The following ARID5B variants were observed in gnomAD, a reference collection of about 807,000 sequenced individuals.
ARID5B encodes the protein AT-rich interactive domain-containing protein 5B.
A neutral mutation model predicts 97.2 loss-of-function variants in ARID5B; 13 were observed. The observed-to-expected ratio is 0.13, with a 90% CI of 0.09 to 0.21. ARID5B has a LOEUF of 0.21. Ranked by LOEUF, ARID5B falls within the 10% of genes least tolerant of loss-of-function variation. The pLI is 1.00. For synonymous variants in ARID5B, 556 were observed against 570.3 expected (o/e 0.97, Z 0.36); for missense variants, 1,210 against 1,465.3 (o/e 0.83, Z 2.84).
chr10:61,924,541 C>G (rs749791359), intron 2 of ARID5B, among the ~76,000 whole-genome samples: 1 of 152,112 alleles, frequency 6.6e-6, no homozygotes, highest in Admixed American at 6.5e-5. Context: ...ATCCCACTGC[C>G]TTTGTACATG....
At chr10:62,024,340 C>T (rs1246480522) in intron 4 of ARID5B, among the ~76,000 whole-genome samples, 1 of 152,184 alleles carries the variant, frequency 6.6e-6, no homozygotes, top group Non-Finnish European at 1.5e-5. Flanking sequence ...TAATACAACA[C>T]CTGTTGTCTT....
At chr10:61,996,068 G>T (rs955286337) in intron 3 of ARID5B, among the ~76,000 whole-genome samples, 2 of 152,176 alleles carry the variant, frequency 1.3e-5, no homozygotes, top group African/African-American at 2.4e-5. Context: ...TTGATGAAAG[G>T]TAGGGGTTCT....
chr10:62,079,987 C>G (rs906553833), intron 8 of ARID5B, among the ~76,000 whole-genome samples: 2 of 152,178 alleles, frequency 1.3e-5, no homozygotes, highest in Non-Finnish European at 2.9e-5. Context: ...ATACCTACCT[C>G]ATTTTTAAAG....
intron 7 of ARID5B, 116 bp from the exon 8 acceptor site, chr10:62,069,584 C>T (rs867970133): frequency 4.6e-6 from 4 of 870,806 alleles, no homozygotes; most frequent in African/African-American, 1.7e-5. Context: ...TTGGACTTCT[C>T]TGTTTCTGGG....
chr10:62,058,155 A>T (rs1429180459), intron 6 of ARID5B, among the ~76,000 whole-genome samples: 1 of 152,206 alleles, frequency 6.6e-6, no homozygotes, highest in Non-Finnish European at 1.5e-5. Context: ...GCAGGAGAAC[A>T]CTCGCAGCCA....
chr10:61,938,247 A>G (rs1844339935), intron 2 of ARID5B, among the ~76,000 whole-genome samples: 1 of 152,204 alleles, frequency 6.6e-6, no homozygotes, highest in South Asian at 2.1e-4. Flanking sequence ...TAGTCATGCC[A>G]TTTCTTGGAA....
chr10:61,925,868 G>T (rs1220587198), intron 2 of ARID5B, among the ~76,000 whole-genome samples: 1 of 152,132 alleles, frequency 6.6e-6, no homozygotes, highest in Admixed American at 6.6e-5. Context: ...AAGGATGGTC[G>T]CGTTACATTT....
chr10:62,096,672 G>A lies in ARID5B; in HGVS notation c.*3642G>A, dbSNP rs938880081. ...CTATGTAACCTCTATGCTCTGTAAG[G>A]TGATTATTTGTATATAGCAACATGG... is the stretch of plus-strand genomic sequence containing the variant. On this transcript the variant is annotated 3_prime_UTR_variant, in exon 10 of 10. Transcript: ENST00000279873. 4 of 233,352 alleles carry A rather than the reference G, an allele frequency of 1.7e-5. No individual in the cohort carries two copies. Among genetic ancestry groups the A allele is most frequent in the Non-Finnish European group, 3.4e-5 (4 of 117,998 alleles). 14.5% of individuals were successfully genotyped at this position (233,352 alleles called of 1,614,324 possible).
At chr10:61,957,729 A>G (rs1838411487) in intron 3 of ARID5B, among the ~76,000 whole-genome samples, 1 of 152,228 alleles carries the variant, frequency 6.6e-6, no homozygotes, top group Admixed American at 6.5e-5. Context: ...GATATGTTGG[A>G]TTAAATAAAA....
At chr10:61,946,096 TA>T (rs1436106942) in intron 3 of ARID5B, among the ~76,000 whole-genome samples, 4 of 149,514 alleles carry the variant, frequency 2.7e-5, no homozygotes, top group Admixed American at 6.7e-5. Context: ...TTATATTTTA[TA>T]AACTTTTATC....
intron 4 of ARID5B, among the ~76,000 whole-genome samples, 200 bp from the exon 5 acceptor site, chr10:62,050,688 G>C (rs1361836766): frequency 1.3e-5 from 2 of 152,120 alleles, no homozygotes; most frequent in Non-Finnish European, 2.9e-5. Flanking sequence ...ATTAGCTTTG[G>C]GAAACGTGTA....
intron 3 of ARID5B, among the ~76,000 whole-genome samples, chr10:61,994,477 A>G (rs899289123): frequency 1.3e-5 from 2 of 152,316 alleles, no homozygotes; most frequent in Admixed American, 1.3e-4. Flanking sequence ...TTCAAAAAAT[A>G]GCATTATGGA....
chr10:61,917,352 A>G (rs890702296), intron 2 of ARID5B, among the ~76,000 whole-genome samples: 1 of 151,970 alleles, frequency 6.6e-6, no homozygotes, highest in African/African-American at 2.4e-5. Context: ...TTTAAGACAG[A>G]GTCTCGCTCT....
rs1237222620 is a variant in ARID5B at position 62,000,858 on chromosome 10, T to TAGAC, written c.733+540_733+541insCAGA. The stretch of plus-strand genomic sequence containing the variant: ...ATAGATAGATAGATAGATAGATAGA[T>TAGAC]AGATAGATAGATAGATGATAGGTGA... On this transcript the variant is annotated intron_variant, in intron 4 of 9. Transcript: ENST00000279873. The surrounding 1 kb of genome is among the most constrained non-coding windows in gnomAD (Gnocchi z 4.4). Among the ~76,000 whole-genome samples the TAGAC allele has an allele frequency of 6.6e-6, 1 of 151,928 alleles. No individual in the cohort carries two copies. The highest frequency in any genetic ancestry group is 1.9e-4 in the East Asian group (1 of 5,180).
At position 62,081,362 on chromosome 10, in the gene ARID5B, T is replaced by C. The variant is rs367872188; in HGVS notation, c.1200-4340T>C. ...CCATTTTTCAAGCTCTGTAAATAGATGGATTCTCGTTTTTCCTATTAAGCA... is the reference window on the plus strand; with the variant it reads ...CCATTTTTCAAGCTCTGTAAATAGACGGATTCTCGTTTTTCCTATTAAGCA... On this transcript the variant is annotated intron_variant, in intron 8 of 9. Coordinates refer to ENST00000279873, the MANE Select transcript of ARID5B (RefSeq NM_032199.3). Among the ~76,000 whole-genome samples the C allele has an allele frequency of 2.2e-4, 34 of 152,376 alleles. 4 individuals carry two copies. The highest frequency in any genetic ancestry group is 1.9e-3 in the Admixed American group (29 of 15,310).
intron 2 of ARID5B, 109 bp downstream of exon 2, chr10:61,902,522 G>C: frequency 7.0e-7 from 1 of 1,437,684 alleles, no homozygotes; most frequent in Non-Finnish European, 9.4e-7. Flanking sequence ...AGGCAAGCAG[G>C]ATCGACTCCT....
chr10:61,962,095 G>A (rs544273121), intron 3 of ARID5B, among the ~76,000 whole-genome samples: 25 of 152,284 alleles, frequency 1.6e-4, no homozygotes, highest in African/African-American at 5.1e-4. Flanking sequence ...GAGGGAAACG[G>A]TAATTGTTAT....
intron 4 of ARID5B, among the ~76,000 whole-genome samples, chr10:62,023,495 A>T (rs1839381595): frequency 6.6e-6 from 1 of 152,218 alleles, no homozygotes. Flanking sequence ...TTTGAGTCAT[A>T]TTCTTGTACC....
At chr10:62,049,362 C>G (rs1267770683) in intron 4 of ARID5B, 22 of 1,543,380 alleles carry the variant, frequency 1.4e-5, no homozygotes, top group African/African-American at 2.7e-5. Flanking sequence ...AGCTCGCATT[C>G]GGAGGGAAGC....
Sources: gnomAD v4.1 joint callset for allele counts (sites outside exome capture counted in the v4.1 genomes callset) on GRCh38, gnomAD v4.1.1 for gene constraint, Gnocchi (gnomAD v3.1) non-coding constraint, MANE v1.5 for transcripts, NCBI Gene and HGNC (gene_info 2026-07-23, HGNC 2026-07-21) for gene names.